The following ABCC4 variants were observed in gnomAD, a reference collection of about 807,000 sequenced individuals.
ABCC4 encodes the protein ATP-binding cassette sub-family C member 4.
Under a neutral mutation model 168.5 loss-of-function variants are expected in ABCC4, and 102 were observed. The ratio of observed to expected loss-of-function variants is 0.61; its 90% CI spans 0.52 to 0.71. The LOEUF (loss-of-function observed/expected upper bound fraction) is 0.71, where lower values mean the gene tolerates loss of function less well. Ranked by LOEUF, ABCC4 falls within the 30% of genes least tolerant of loss-of-function variation. The pLI is 0.00. For missense variants in ABCC4, 1,402 were observed against 1,605.8 expected (o/e 0.87, Z 2.17); for synonymous variants, 617 against 590.7 (o/e 1.04, Z -0.65).
At chr13:95,209,355 G>T (rs562868659) in intron 6 of ABCC4, 79 bp downstream of exon 6, 2 of 1,492,318 alleles carry the variant, frequency 1.3e-6, no homozygotes, top group Admixed American at 1.8e-5. Flanking sequence ...CATTTAGTTT[G>T]TTTCTGAACA....
At chr13:95,203,891 C>T (rs1402657268) in intron 8 of ABCC4, among the ~76,000 whole-genome samples, 4 of 152,192 alleles carry the variant, frequency 2.6e-5, no homozygotes, top group Non-Finnish European at 4.4e-5. Context: ...CTCGGCCTTC[C>T]TCTAGCTTCT....
chr13:95,143,728 T>A (rs144550114), intron 19 of ABCC4, among the ~76,000 whole-genome samples: 2 of 152,118 alleles, frequency 1.3e-5, no homozygotes, highest in South Asian at 4.2e-4. Context: ...TCTCCTAACA[T>A]ATGACCGGTT....
intron 4 of ABCC4, among the ~76,000 whole-genome samples, chr13:95,215,497 A>C (rs1341961892): frequency 1.3e-5 from 2 of 152,248 alleles, no homozygotes; most frequent in African/African-American, 4.8e-5. Flanking sequence ...TGGAGACAGA[A>C]GTAAAATATA....
intron 19 of ABCC4, among the ~76,000 whole-genome samples, chr13:95,159,103 A>ATATG (rs1253720732): frequency 7.5e-5 from 7 of 93,380 alleles, no homozygotes; most frequent in African/African-American, 3.7e-4. Flanking sequence ...TTATATATAT[A>ATATG]TATATATATA....
At chr13:95,231,508 T>C (rs907790245) in intron 4 of ABCC4, among the ~76,000 whole-genome samples, 5 of 152,120 alleles carry the variant, frequency 3.3e-5, no homozygotes, top group Non-Finnish European at 7.4e-5. Context: ...GGGGCCTCAG[T>C]GGAAACTGCC....
At chr13:95,073,177 G>C in intron 24 of ABCC4, 27 bp downstream of exon 24, 1 of 1,572,632 alleles carries the variant, frequency 6.4e-7, no homozygotes, top group Non-Finnish European at 8.7e-7. Context: ...AGATTGAAAA[G>C]GCAAAGAACG....
intron 26 of ABCC4, among the ~76,000 whole-genome samples, chr13:95,059,303 T>C (rs1334818785): frequency 1.3e-5 from 2 of 152,208 alleles, no homozygotes; most frequent in East Asian, 3.8e-4. Flanking sequence ...TGACACAGAA[T>C]TGCTGTGAGG....
chr13:95,070,626 C>A (rs2033692089), intron 25 of ABCC4, among the ~76,000 whole-genome samples: 1 of 152,124 alleles, frequency 6.6e-6, no homozygotes, highest in East Asian at 1.9e-4. Flanking sequence ...TCTCTGGTGC[C>A]TTTACTGCCT....
At chr13:95,053,809 T>G (rs1265450351) in intron 26 of ABCC4, 4 of 152,548 alleles carry the variant, frequency 2.6e-5, no homozygotes, top group Admixed American at 2.6e-4. Context: ...AAACCCTGTC[T>G]CTACTAAAAA....
intron 1 of ABCC4, among the ~76,000 whole-genome samples, chr13:95,261,220 G>T (rs1322229530): frequency 2.6e-5 from 4 of 151,980 alleles, no homozygotes; most frequent in African/African-American, 9.7e-5. Context: ...GGCCGAGGTG[G>T]GCAAATCACC....
At chr13:95,123,826 A>AG (rs1347023454) in intron 19 of ABCC4, among the ~76,000 whole-genome samples, 3 of 152,196 alleles carry the variant, frequency 2.0e-5, no homozygotes, top group Non-Finnish European at 2.9e-5. Flanking sequence ...GCACAACAGC[A>AG]GGGGGGCATC....
At chr13:95,048,556 G>T (rs953218843) in intron 27 of ABCC4, among the ~76,000 whole-genome samples, 1 of 152,200 alleles carries the variant, frequency 6.6e-6, no homozygotes. Flanking sequence ...AAGTGTGAAC[G>T]AAGCGAGCGG....
intron 4 of ABCC4, among the ~76,000 whole-genome samples, chr13:95,218,404 A>C (rs1417688844): frequency 6.6e-6 from 1 of 152,206 alleles, no homozygotes; most frequent in Non-Finnish European, 1.5e-5. Context: ...TAATTCTGTA[A>C]AAGAAATGAA....
rs532985922 is a variant in ABCC4 at position 95,052,393 on chromosome 13, A to G, written c.3456+702T>C. ...GACTGGCACAAATTTGCAGAACTAG[A>G]CTGAACACAGAAAATCAGTGTTAAA... is the stretch of plus-strand genomic sequence containing the variant. On this transcript the variant is annotated intron_variant, in intron 27 of 30. Transcript: ENST00000645237. Among the ~76,000 whole-genome samples the G allele has an allele frequency of 8.7e-4, 132 of 152,334 alleles. 1 individual carries two copies. The highest frequency in any genetic ancestry group is 3.1e-3 in the African/African-American group (127 of 41,580).
chr13:95,300,754 A>G (rs1046789167), intron 1 of ABCC4, among the ~76,000 whole-genome samples: 1 of 152,198 alleles, frequency 6.6e-6, no homozygotes, highest in African/African-American at 2.4e-5. Context: ...CTGAGATCAG[A>G]TAAAGGAAAC....
intron 27 of ABCC4, among the ~76,000 whole-genome samples, chr13:95,051,018 A>G (rs1462583378): frequency 1.3e-5 from 2 of 152,248 alleles, no homozygotes; most frequent in African/African-American, 4.8e-5. Context: ...TTAGGGGCAC[A>G]GGATTGCCTT....
chr13:95,154,734 G>A (rs1594194371), intron 19 of ABCC4, among the ~76,000 whole-genome samples: 1 of 152,198 alleles, frequency 6.6e-6, no homozygotes, highest in African/African-American at 2.4e-5. Context: ...TGTGTGAACA[G>A]GCATAGATTA....
chr13:95,040,045 T>A (rs1422412484), intron 29 of ABCC4, among the ~76,000 whole-genome samples: 1 of 152,042 alleles, frequency 6.6e-6, no homozygotes, highest in Non-Finnish European at 1.5e-5. Context: ...ACTGGTAAAA[T>A]GGGTGCCTGT....
At position 95,080,298 on chromosome 13, in the gene ABCC4, C is replaced by T. The variant is rs547288531; in HGVS notation, c.2686+2842G>A. Among the ~76,000 whole-genome samples the T allele has an allele frequency of 3.3e-5, 5 of 152,302 alleles. No individual in the cohort carries two copies. The East Asian group carries it at 5.8e-4, about 18-fold the overall frequency. On this transcript the variant is annotated intron_variant, in intron 21 of 30. Transcript: ENST00000645237. The stretch of plus-strand genomic sequence containing the variant: ...GTGGCTAGAGAAATGCAGCCAAATG[C>T]CATTCCGGTTTTTATGTACTTCTCT...
Sources: gnomAD v4.1 joint callset for allele counts (sites outside exome capture counted in the v4.1 genomes callset) on GRCh38, gnomAD v4.1.1 for gene constraint, MANE v1.5 for transcripts, NCBI Gene and HGNC (gene_info 2026-07-23, HGNC 2026-07-21) for gene names.